Variants in CLVS1 observed in about 807,000 individuals in gnomAD.
The protein encoded by CLVS1 is clavesin 1, also known as clavesin-1.
Under a neutral mutation model 33.1 loss-of-function variants are expected in CLVS1, and 10 were observed. That is an observed-to-expected ratio of 0.30 (90% CI 0.19 to 0.51). The LOEUF is 0.51. Among genes scored for constraint, CLVS1 ranks in the 20% least tolerant of loss-of-function variants. The pLI is 0.97. For missense variants in CLVS1, 343 were observed against 433.4 expected (o/e 0.79, Z 1.85); for synonymous variants, 163 against 166.1 (o/e 0.98, Z 0.14).
the CLVS1 span, among the ~76,000 whole-genome samples, chr8:61,015,855 C>A: frequency 1.3e-5 from 2 of 152,074 alleles, no homozygotes; most frequent in Non-Finnish European, 2.9e-5. Flanking sequence ...CCCAAAGCTT[C>A]CAGCCCAAAG....
At position 61,331,735 on chromosome 8, in the gene CLVS1, A is replaced by G. The variant is rs1811600700; in HGVS notation, c.455+31453A>G. ...CCACAGATGCAGTGTCTTCTATTAT[A>G]TCTCTGAGGATTTTAATTATAATTC... On this transcript the variant is annotated intron_variant, in intron 2 of 5. Transcript: ENST00000325897. Among the ~76,000 whole-genome samples the G allele has an allele frequency of 2.0e-5, 3 of 151,842 alleles. No homozygotes were observed. The South Asian group carries it at 6.2e-4, about 32-fold the overall frequency.
At chr8:60,992,043 T>C in the CLVS1 span, among the ~76,000 whole-genome samples, 359 of 152,300 alleles carry the variant, frequency 2.4e-3, 2 homozygotes, top group African/African-American at 8.3e-3. Context: ...CCACCACACC[T>C]GGCCTCCTGC....
intron 2 of CLVS1, among the ~76,000 whole-genome samples, chr8:61,347,519 A>G (rs1812261369): frequency 6.6e-6 from 1 of 151,242 alleles, no homozygotes; most frequent in Non-Finnish European, 1.5e-5. Context: ...ATAGAATTTC[A>G]GCTAGATAAA....
upstream of CLVS1, among the ~76,000 whole-genome samples, chr8:61,287,176 C>T (rs1216232776): frequency 6.6e-6 from 1 of 152,070 alleles, no homozygotes; most frequent in Non-Finnish European, 1.5e-5. Flanking sequence ...CACTATTATT[C>T]CAACAATATA....
In CLVS1 at chr8:61,313,162, C is replaced by T. The variant is rs75661549; in HGVS notation, c.455+12880C>T. Among the ~76,000 whole-genome samples the T allele has an allele frequency of 0.011, 1,731 of 152,156 alleles. 99 individuals are homozygous for T. In the East Asian group the frequency reaches 0.19, roughly 16 times the overall value. ...ACATGAGAAGAGGCCTCAAACCCAG[C>T]GGGGAAGCTGGGACCTCAGAGGAAT... On this transcript the variant is annotated intron_variant, in intron 2 of 5. Coordinates refer to ENST00000325897, the MANE Select transcript of CLVS1 (RefSeq NM_173519.3).
chr8:61,186,565 C>T (rs1040589401), intron 2 of CLVS1, among the ~76,000 whole-genome samples: 38 of 151,970 alleles, frequency 2.5e-4, no homozygotes, highest in African/African-American at 8.7e-4. Flanking sequence ...CTCCCATGAC[C>T]CACCCTTGTG....
chr8:61,195,401 A>ATAAAG (rs924758624), intron 2 of CLVS1, among the ~76,000 whole-genome samples: 2 of 152,020 alleles, frequency 1.3e-5, no homozygotes, highest in Non-Finnish European at 2.9e-5. Flanking sequence ...ATTCTTACTA[A>ATAAAG]TAAAGTATTT....
At chr8:61,354,556 T>G (rs114502546) in intron 2 of CLVS1, among the ~76,000 whole-genome samples, 194 of 152,200 alleles carry the variant, frequency 1.3e-3, no homozygotes, top group African/African-American at 4.5e-3. Context: ...TTGTTTGTAA[T>G]AGCCAAAACC....
Position 61,469,412 on chromosome 8 carries a change from A to G in CLVS1, c.977+10870A>G, listed in dbSNP as rs374926988. ...ATTGAGATGTCATAATGACACGGTGAGCCATCTGATCTTGGGGGTGGGTGG... is the reference window on the plus strand; with the variant it reads ...ATTGAGATGTCATAATGACACGGTGGGCCATCTGATCTTGGGGGTGGGTGG... On this transcript the variant is annotated intron_variant, in intron 5 of 5. Coordinates refer to ENST00000325897, the MANE Select transcript of CLVS1 (RefSeq NM_173519.3). Among the ~76,000 whole-genome samples, 16 of 152,310 alleles carry G rather than the reference A, an allele frequency of 1.1e-4. 1 individual carries two copies. In the East Asian group the frequency reaches 1.9e-3, roughly 18 times the overall value.
intron 5 of CLVS1, among the ~76,000 whole-genome samples, chr8:61,480,266 T>C (rs1225259410): frequency 2.0e-5 from 3 of 152,234 alleles, no homozygotes; most frequent in African/African-American, 7.2e-5. Context: ...GTTTACCTAC[T>C]CAAGCCTTGT....
At chr8:61,150,939 C>T (rs922389547) in intron 2 of CLVS1, among the ~76,000 whole-genome samples, 21 of 152,128 alleles carry the variant, frequency 1.4e-4, no homozygotes, top group Non-Finnish European at 2.9e-4. Flanking sequence ...GGCCACAAAC[C>T]AAAGCACAAC....
At chr8:61,273,671 A>C (rs1162667472) in intron 2 of CLVS1, among the ~76,000 whole-genome samples, 2 of 152,196 alleles carry the variant, frequency 1.3e-5, no homozygotes, top group Non-Finnish European at 2.9e-5. Flanking sequence ...CCTCCGAGCC[A>C]GGTGTGGGAT....
intron 1 of CLVS1, among the ~76,000 whole-genome samples, chr8:61,101,940 G>A (rs1274357253): frequency 6.6e-6 from 1 of 151,894 alleles, no homozygotes; most frequent in Non-Finnish European, 1.5e-5. Context: ...CAAGACTCTC[G>A]ATATATTTCG....
the CLVS1 span, among the ~76,000 whole-genome samples, chr8:61,042,287 A>G: frequency 2.6e-5 from 4 of 152,106 alleles, no homozygotes; most frequent in Admixed American, 6.6e-5. Flanking sequence ...ATTGTTGTCA[A>G]TTTTGCTTTC....
chr8:61,132,842 C>T (rs79059605), intron 2 of CLVS1, among the ~76,000 whole-genome samples: 3,546 of 152,228 alleles, frequency 0.023, 148 homozygotes, highest in African/African-American at 0.082. Context: ...TTAGGATGCA[C>T]GCAGCCTGCC....
intron 2 of CLVS1, among the ~76,000 whole-genome samples, chr8:61,357,579 C>A (rs1475825278): frequency 2.2e-5 from 3 of 135,024 alleles, no homozygotes; most frequent in Non-Finnish European, 4.6e-5. Context: ...GATCTCGGCT[C>A]ACTGCAACCT....
intron 1 of CLVS1, chr8:61,090,834 T>G (rs1805230371): frequency 3.9e-6 from 2 of 517,112 alleles, no homozygotes; most frequent in African/African-American, 1.9e-5. Flanking sequence ...CCGATTTAGA[T>G]GATAAGATTT....
At position 61,470,664 on chromosome 8, in the gene CLVS1, A is replaced by G. The variant is rs796946282; in HGVS notation, c.977+12122A>G. Among the ~76,000 whole-genome samples the G allele has an allele frequency of 2.6e-5, 4 of 152,386 alleles. No homozygotes were observed. In the South Asian group the frequency reaches 8.3e-4, roughly 32 times the overall value. ...ATCTAGCCAGCAATGAATCTGTCTTAGGAGCCGTAATGAGCATATGAATGA... is the reference window on the plus strand; with the variant it reads ...ATCTAGCCAGCAATGAATCTGTCTTGGGAGCCGTAATGAGCATATGAATGA... On this transcript the variant is annotated intron_variant, in intron 5 of 5. Transcript: ENST00000325897.
chr8:61,213,432 C>T (rs72654699), intron 2 of CLVS1, among the ~76,000 whole-genome samples: 20,922 of 109,776 alleles, frequency 0.19, 2,275 homozygotes, highest in African/African-American at 0.42. Context: ...ACAGATGTTG[C>T]GGGAAGTCAG....
Sources: allele counts gnomAD v4.1 joint callset (sites outside exome capture counted in the v4.1 genomes callset), GRCh38; gene constraint gnomAD v4.1.1; transcripts MANE v1.5; gene names NCBI Gene and HGNC (gene_info 2026-07-23, HGNC 2026-07-21).